Variants in CPLX1 observed in about 807,000 individuals in gnomAD.
CPLX1 encodes the protein complexin 1.
A neutral mutation model predicts 15.6 loss-of-function variants in CPLX1; 6 were observed. The observed-to-expected ratio is 0.39, with a 90% CI of 0.21 to 0.76. The LOEUF (loss-of-function observed/expected upper bound fraction) is 0.76. CPLX1 is among the 30% of genes least tolerant of loss of function. CPLX1 has a pLI of 0.43. For synonymous variants in CPLX1, 91 were observed against 75.2 expected, an observed-to-expected ratio of 1.21 and a Z score of -1.08; for missense variants, 242 against 188.6, an observed-to-expected ratio of 1.28 and a Z score of -1.66.
intron 2 of CPLX1, among the ~76,000 whole-genome samples, chr4:807,387 T>C (rs917278090): frequency 6.6e-6 from 1 of 152,186 alleles, no homozygotes; most frequent in African/African-American, 2.4e-5. Context: ...ACCTAGGTGA[T>C]AGGCTGGCAG....
At chr4:795,512 T>G (rs973545395) in intron 2 of CPLX1, among the ~76,000 whole-genome samples, 8 of 152,260 alleles carry the variant, frequency 5.3e-5, no homozygotes, top group Non-Finnish European at 7.4e-5. Context: ...CGACTCTGAT[T>G]GCAGGGGGGT....
intron 2 of CPLX1, among the ~76,000 whole-genome samples, chr4:811,501 T>A (rs964981175): frequency 2.0e-5 from 3 of 152,214 alleles, no homozygotes; most frequent in Non-Finnish European, 4.4e-5. Context: ...AAGTGTGTTG[T>A]TTAGTTTCCA....
rs1011357592 is a variant in CPLX1 at position 804,105 on chromosome 4, G to T, written c.32-11497C>A. 3.3e-5 allele frequency among the ~76,000 whole-genome samples: 5 copies of T among 152,260 alleles called. No individual in the cohort carries two copies. The East Asian group carries it at 9.6e-4, about 29-fold the overall frequency. ...TGCACCACACGGCCTGGGCGTGCAG[G>T]AGGCTGCATCATCTAGGCTTGTGAA... On this transcript the variant is annotated intron_variant, in intron 2 of 3. Transcript: ENST00000304062.
At chr4:819,112 C>T (rs1358541396) in intron 2 of CPLX1, among the ~76,000 whole-genome samples, 1 of 152,260 alleles carries the variant, frequency 6.6e-6, no homozygotes, top group African/African-American at 2.4e-5. Context: ...AGTCCAGCAG[C>T]GTCTGATGGC....
chr4:791,378 G>C (rs1371357100), intron 3 of CPLX1, among the ~76,000 whole-genome samples: 1 of 152,150 alleles, frequency 6.6e-6, no homozygotes. Flanking sequence ...GGACCGGAGG[G>C]TGTGGGGAGA....
At chr4:804,993 T>C (rs1746528781) in intron 2 of CPLX1, 1 of 958,316 alleles carries the variant, frequency 1.0e-6, no homozygotes. Flanking sequence ...CGGGTGCTCC[T>C]CTGTGGAGAA....
chr4:791,363 G>T (rs1469218626), intron 3 of CPLX1, among the ~76,000 whole-genome samples: 2 of 152,082 alleles, frequency 1.3e-5, no homozygotes, highest in African/African-American at 4.8e-5. Flanking sequence ...GCGGGGGGCT[G>T]CGAGGGACCG....
chr4:792,412 C>T (rs1226925909), intron 3 of CPLX1, 21 bp downstream of exon 3: 8 of 1,511,292 alleles, frequency 5.3e-6, no homozygotes, highest in African/African-American at 2.8e-5. Flanking sequence ...TTCCCGCAGG[C>T]GGGGCCGGCC....
At chr4:798,396 G>C (rs1006748507) in intron 2 of CPLX1, among the ~76,000 whole-genome samples, 1 of 151,948 alleles carries the variant, frequency 6.6e-6, no homozygotes, top group Admixed American at 6.6e-5. Flanking sequence ...ATTCAATGAG[G>C]GTGAGGATAG....
intron 3 of CPLX1, chr4:787,840 C>T (rs556630581): frequency 1.2e-5 from 12 of 985,424 alleles, no homozygotes; most frequent in Admixed American, 1.2e-4. Context: ...CACGGAACTA[C>T]GGAACAGCCT....
intron 3 of CPLX1, 180 bp from the exon 4 acceptor site, chr4:786,878 T>C: frequency 2.0e-6 from 2 of 982,760 alleles, no homozygotes; most frequent in Non-Finnish European, 2.4e-6. Flanking sequence ...CCTGGAGGAA[T>C]GGGAAGCCCC....
intron 2 of CPLX1, among the ~76,000 whole-genome samples, chr4:819,184 C>T (rs1028347187): frequency 6.6e-6 from 1 of 152,268 alleles, no homozygotes; most frequent in Non-Finnish European, 1.5e-5. Context: ...GCTCTAACCC[C>T]AACTGGAACG....
At position 786,533 on chromosome 4, in the gene CPLX1, G is replaced by C; in HGVS notation, c.373C>G (p.Pro125Ala). 1 of 1,604,356 alleles carries C rather than the reference G, an allele frequency of 6.2e-7. No individual in the cohort carries two copies. The highest frequency in any genetic ancestry group is 8.5e-7 in the Non-Finnish European group (1 of 1,175,628). Residue 125 changes from proline to alanine, a missense_variant, in exon 4 of 4, where the codon CCC (proline) becomes GCC (alanine). Coordinates refer to ENST00000304062, the MANE Select transcript of CPLX1 (RefSeq NM_006651.4). ...TTGAGCATGTCCTGCAGCGGCCCGGGCAGGTACTTGATGACGGTGTCCAGG... is the reference window on the plus strand; with the variant it reads ...TTGAGCATGTCCTGCAGCGGCCCGGCCAGGTACTTGATGACGGTGTCCAGG... Reference protein sequence around the residue: ...SILDTVIKYLPGPLQDMLKK With the variant: ...SILDTVIKYLAGPLQDMLKK
In CPLX1 at chr4:807,634, C is replaced by T. The variant is rs954829544; in HGVS notation, c.32-15026G>A. Reference sequence around the variant, plus strand: ...AGATTACGGGCAGGTGCCACCATGCCCGGCCAATTTTTTTTTATTATTATT... The same window carrying T: ...AGATTACGGGCAGGTGCCACCATGCTCGGCCAATTTTTTTTTATTATTATT... On this transcript the variant is annotated intron_variant, in intron 2 of 3. Transcript: ENST00000304062. Among the ~76,000 whole-genome samples, 6 of 151,994 alleles carry T rather than the reference C, an allele frequency of 3.9e-5. No homozygotes were observed. In the South Asian group the frequency reaches 1.2e-3, roughly 32 times the overall value.
At chr4:791,619 C>T (rs535437776) in intron 3 of CPLX1, among the ~76,000 whole-genome samples, 1 of 152,304 alleles carries the variant, frequency 6.6e-6, no homozygotes, top group South Asian at 2.1e-4. Flanking sequence ...GGAGTCTGAA[C>T]CTTCCCACCC....
At chr4:806,351 GA>G (rs886403759) in intron 2 of CPLX1, among the ~76,000 whole-genome samples, 1 of 152,152 alleles carries the variant, frequency 6.6e-6, no homozygotes, top group African/African-American at 2.4e-5. Flanking sequence ...GCCATCTGAA[GA>G]AAATGGAAAC....
In CPLX1 at chr4:788,105, G is replaced by GGT. The variant is rs1746057072; in HGVS notation, c.208-1408_208-1407insAC. 5.1e-6 allele frequency: 5 copies of GGT among 985,280 alleles called. No individual in the cohort carries two copies. The Admixed American group carries it at 3.1e-4, about 61-fold the overall frequency. 61.0% of individuals were successfully genotyped at this position (985,280 alleles called of 1,614,324 possible). On this transcript the variant is annotated intron_variant, in intron 3 of 3. Coordinates refer to ENST00000304062, the MANE Select transcript of CPLX1 (RefSeq NM_006651.4). Reference sequence around the variant, plus strand: ...CACACCGCGGGATCACCAGCCACAGGGAGGGGCCTTTCTGCCCAGGAGGAG... The same window carrying GGT: ...CACACCGCGGGATCACCAGCCACAGGGTGAGGGGCCTTTCTGCCCAGGAGGAG...
At chr4:809,804 T>C (rs1393102401) in intron 2 of CPLX1, among the ~76,000 whole-genome samples, 3 of 150,558 alleles carry the variant, frequency 2.0e-5, no homozygotes. Flanking sequence ...TCACTATGGA[T>C]TATGGGCTTT....
chr4:800,209 G>C (rs962458566), intron 2 of CPLX1, among the ~76,000 whole-genome samples: 1 of 152,180 alleles, frequency 6.6e-6, no homozygotes, highest in African/African-American at 2.4e-5. Context: ...CTTCTGTGTT[G>C]ATTATCCTTG....
Sources: gnomAD v4.1 joint callset for allele counts (sites outside exome capture counted in the v4.1 genomes callset) on GRCh38, gnomAD v4.1.1 for gene constraint, MANE v1.5 for transcripts, NCBI Gene and HGNC (gene_info 2026-07-23, HGNC 2026-07-21) for gene names.